Variants in NTNG1 observed in about 807,000 individuals in gnomAD.
NTNG1 encodes netrin-G1.
In NTNG1, 16 loss-of-function variants were observed where a neutral mutation model predicts 54.0. The observed-to-expected ratio is 0.30, with a 90% CI of 0.20 to 0.45. The LOEUF is 0.45. NTNG1 is among the 20% of genes least tolerant of loss of function. NTNG1 has a pLI of 1.00. For missense variants in NTNG1, 530 were observed against 678.7 expected (o/e 0.78, Z 2.43); for synonymous variants, 255 against 263.1 (o/e 0.97, Z 0.30).
At chr1:107,157,321 A>T (rs898329118) in intron 2 of NTNG1, among the ~76,000 whole-genome samples, 2 of 152,202 alleles carry the variant, frequency 1.3e-5, no homozygotes, top group African/African-American at 2.4e-5. Context: ...CCAGCCTTCT[A>T]TTCCTAGGCA....
chr1:107,142,767 AAT>A (rs143841875), intron 1 of NTNG1, among the ~76,000 whole-genome samples: 7,185 of 137,980 alleles, frequency 0.052, 538 homozygotes, highest in African/African-American at 0.19. Context: ...TCCAAAAAAT[AAT>A]TTTTTTTTTT....
At chr1:107,435,113 G>A (rs563029591) in intron 6 of NTNG1, among the ~76,000 whole-genome samples, 1 of 151,996 alleles carries the variant, frequency 6.6e-6, no homozygotes, top group Non-Finnish European at 1.5e-5. Flanking sequence ...TTGGCCAGAT[G>A]TAACTCTGCT....
At chr1:107,450,828 T>C (rs17019083) in intron 7 of NTNG1, among the ~76,000 whole-genome samples, 82,511 of 151,830 alleles carry the variant, frequency 0.54, 22,585 homozygotes, top group Middle Eastern at 0.58. Context: ...TCCTAAATCC[T>C]GGAAATTACC....
chr1:107,346,923 T>C (rs1470351756), intron 3 of NTNG1, among the ~76,000 whole-genome samples: 4 of 151,130 alleles, frequency 2.6e-5, no homozygotes, highest in East Asian at 1.9e-4. Context: ...AAAATCCTTT[T>C]TGTGGGGACA....
At chr1:107,350,337 C>T (rs1669527600) in intron 3 of NTNG1, among the ~76,000 whole-genome samples, 1 of 152,082 alleles carries the variant, frequency 6.6e-6, no homozygotes, top group African/African-American at 2.4e-5. Context: ...AATTTTCATT[C>T]TCTTTATGGT....
intron 5 of NTNG1, chr1:107,407,941 C>T (rs942878848): frequency 4.2e-6 from 3 of 710,254 alleles, no homozygotes; most frequent in Admixed American, 3.5e-5. Context: ...TTTCTGACTA[C>T]TCTTAACCAG....
At chr1:107,466,574 A>C (rs1442834412) in intron 7 of NTNG1, among the ~76,000 whole-genome samples, 1 of 152,236 alleles carries the variant, frequency 6.6e-6, no homozygotes, top group Non-Finnish European at 1.5e-5. Flanking sequence ...AAGATATTTT[A>C]AAGCACGTCA....
intron 5 of NTNG1, among the ~76,000 whole-genome samples, chr1:107,425,625 G>A (rs571632104): frequency 2.4e-4 from 37 of 152,184 alleles, no homozygotes; most frequent in African/African-American, 8.9e-4. Context: ...ATCATACATA[G>A]TGCTGCAATA....
intron 7 of NTNG1, among the ~76,000 whole-genome samples, chr1:107,464,898 G>T (rs534689729): frequency 6.6e-6 from 1 of 152,150 alleles, no homozygotes; most frequent in Non-Finnish European, 1.5e-5. Context: ...AAGCAGAGCT[G>T]AGATGCCCAC....
At chr1:107,438,194 G>A (rs1024553136) in intron 7 of NTNG1, among the ~76,000 whole-genome samples, 4 of 152,154 alleles carry the variant, frequency 2.6e-5, no homozygotes, top group African/African-American at 9.7e-5. Flanking sequence ...GCCATGGGCA[G>A]CAATGAGCTC....
chr1:107,229,989 G>A (rs1660960635), intron 2 of NTNG1, among the ~76,000 whole-genome samples: 1 of 152,104 alleles, frequency 6.6e-6, no homozygotes, highest in Non-Finnish European at 1.5e-5. Flanking sequence ...ACACTGTTCT[G>A]TGGTTTCTGG....
rs549530266 is a variant in NTNG1, at chr1:107,377,933, G to A, written c.888-17221G>A. 2.0e-5 allele frequency among the ~76,000 whole-genome samples: 3 copies of A among 152,274 alleles called. 1 individual carries two copies. Among genetic ancestry groups the A allele is most frequent in the African/African-American group, 7.2e-5 (3 of 41,566 alleles). On this transcript the variant is annotated intron_variant, in intron 3 of 7. Transcript: ENST00000370068. ...GTACTTGCATTATATATTGCATAAA[G>A]GAAAAGTTCACCAAAGTGATTTTCA...
intron 3 of NTNG1, among the ~76,000 whole-genome samples, chr1:107,384,713 T>TG (rs1490857866): frequency 1.3e-5 from 2 of 152,260 alleles, no homozygotes; most frequent in Non-Finnish European, 2.9e-5. Context: ...ACCTGGCCTC[T>TG]GGGTTTGCAG....
At chr1:107,320,931 T>G (rs1667623090) in intron 2 of NTNG1, among the ~76,000 whole-genome samples, 1 of 152,096 alleles carries the variant, frequency 6.6e-6, no homozygotes, top group Non-Finnish European at 1.5e-5. Context: ...TTCAATAAAT[T>G]GTTATGCTGC....
At chr1:107,325,725 T>C (rs370587745) in intron 3 of NTNG1, among the ~76,000 whole-genome samples, 1 of 152,134 alleles carries the variant, frequency 6.6e-6, no homozygotes, top group Non-Finnish European at 1.5e-5. Flanking sequence ...TGTGGTATAT[T>C]ATCAAAACGA....
At chr1:107,199,881 C>T (rs149002550) in intron 2 of NTNG1, among the ~76,000 whole-genome samples, 56 of 151,894 alleles carry the variant, frequency 3.7e-4, no homozygotes, top group Middle Eastern at 3.4e-3. Context: ...TACTCAATGT[C>T]TTTGTGATAA....
At chr1:107,253,138 G>A (rs1444895056) in intron 2 of NTNG1, among the ~76,000 whole-genome samples, 1 of 152,178 alleles carries the variant, frequency 6.6e-6, no homozygotes, top group Non-Finnish European at 1.5e-5. Flanking sequence ...TCTTAAGGTG[G>A]TTTCACTCAG....
chr1:107,178,083 C>A (rs188537128), intron 2 of NTNG1, among the ~76,000 whole-genome samples: 5 of 152,166 alleles, frequency 3.3e-5, no homozygotes, highest in African/African-American at 4.8e-5. Flanking sequence ...TTCTGCCTTG[C>A]AAATGCAACT....
At chr1:107,403,483 G>A (rs1673181827) in intron 4 of NTNG1, among the ~76,000 whole-genome samples, 1 of 152,134 alleles carries the variant, frequency 6.6e-6, no homozygotes, top group Non-Finnish European at 1.5e-5. Flanking sequence ...GATGAGGCAG[G>A]TGGATCACCT....
Sources: gnomAD v4.1 joint callset for allele counts (sites outside exome capture counted in the v4.1 genomes callset) on GRCh38, gnomAD v4.1.1 for gene constraint, MANE v1.5 for transcripts, NCBI Gene and HGNC (gene_info 2026-07-23, HGNC 2026-07-21) for gene names.